Variants in PPARA observed in about 807,000 individuals in gnomAD.
PPARA encodes the protein peroxisome proliferator-activated receptor alpha.
Under a neutral mutation model 42.2 loss-of-function variants are expected in PPARA, and 22 were observed. The ratio of observed to expected loss-of-function variants is 0.52; its 90% CI spans 0.37 to 0.74. The LOEUF (loss-of-function observed/expected upper bound fraction) is 0.74. Among genes scored for constraint, PPARA ranks in the 30% least tolerant of loss-of-function variants. The pLI, the probability that PPARA is intolerant of heterozygous loss-of-function variation, is 0.00. For synonymous variants in PPARA, 242 were observed against 239.3 expected (o/e 1.01, Z -0.10); for missense variants, 465 against 608.2 (o/e 0.76, Z 2.48).
chr22:46,233,746 T>C lies in PPARA; in HGVS notation c.1160-1387T>C, dbSNP rs1936040363. On this transcript the variant is annotated intron_variant, in intron 8 of 8. Coordinates refer to ENST00000407236, the MANE Select transcript of PPARA (RefSeq NM_005036.6). The surrounding 1 kb of genome is among the most constrained non-coding windows in gnomAD (Gnocchi z 7.3). The stretch of plus-strand genomic sequence containing the variant: ...TATCAATCCTATGTATATAGAAAAA[T>C]GTCCAGTGAGATATATGTTAAACCT... Among the ~76,000 whole-genome samples the C allele has an allele frequency of 6.6e-6, 1 of 152,090 alleles. No homozygotes were observed. The highest frequency in any genetic ancestry group is 1.5e-5 in the Non-Finnish European group (1 of 68,026).
chr22:46,187,200 G>A lies in PPARA; in HGVS notation c.-43+10364G>A, dbSNP rs1601687808. 6.6e-6 allele frequency among the ~76,000 whole-genome samples: 1 copy of A among 152,342 alleles called. No homozygotes were observed. Among genetic ancestry groups the A allele is most frequent in the Admixed American group, 6.5e-5 (1 of 15,308 alleles). On this transcript the variant is annotated intron_variant, in intron 3 of 8. Coordinates refer to ENST00000407236, the MANE Select transcript of PPARA (RefSeq NM_005036.6). This position sits in a 1 kb window ranked among gnomAD's most constrained non-coding sequence, Gnocchi z 4.9. ...TAAGCATCATCATTGCTTCTCAGAA[G>A]AGGAGACCTGGCTTACAGAGGTCAA...
rs1000130952 is a variant in PPARA, at chr22:46,225,847, G to GCA, written c.711+5844_711+5845dup. ...CAGACGCACCTCCACCCCCACACAC[G>GCA]CACACACACACATGCACCCACACAT... On this transcript the variant is annotated intron_variant, in intron 7 of 8. Coordinates refer to ENST00000407236, the MANE Select transcript of PPARA (RefSeq NM_005036.6). This position sits in a 1 kb window ranked among gnomAD's most constrained non-coding sequence, Gnocchi z 4.1. 7.0e-6 allele frequency among the ~76,000 whole-genome samples: 1 copy of GCA among 142,262 alleles called. No homozygotes were observed. The highest frequency in any genetic ancestry group is 2.7e-5 in the African/African-American group (1 of 37,684). 93.3% of individuals were successfully genotyped at this position (142,262 alleles called of 152,430 possible).
intron 3 of PPARA, among the ~76,000 whole-genome samples, chr22:46,185,887 T>A: frequency 1.3e-5 from 1 of 76,636 alleles, no homozygotes; most frequent in Non-Finnish European, 2.2e-5. Flanking sequence ...AAAGTGAGAC[T>A]CCGTCTCCAA....
At position 46,234,628 on chromosome 22, in the gene PPARA, G is replaced by A. The variant is rs531440948; in HGVS notation, c.1160-505G>A. Among the ~76,000 whole-genome samples, 12 of 152,182 alleles carry A rather than the reference G, an allele frequency of 7.9e-5. No homozygotes were observed. The highest frequency in any genetic ancestry group is 2.9e-4 in the African/African-American group (12 of 41,532). ...AGCGATTCTCCCACCTCAGCCTCCC[G>A]AGTATCTGGGATTACAGGCGTGAGC... On this transcript the variant is annotated intron_variant, in intron 8 of 8. Transcript: ENST00000407236. This position sits in a 1 kb window ranked among gnomAD's most constrained non-coding sequence, Gnocchi z 5.8.
chr22:46,158,491 A>T (rs1925662412), intron 2 of PPARA, among the ~76,000 whole-genome samples: 1 of 152,252 alleles, frequency 6.6e-6, no homozygotes, highest in Non-Finnish European at 1.5e-5. Flanking sequence ...TCAGTAAAAG[A>T]GACCCAGTTA....
Position 46,162,829 on chromosome 22 carries a change from A to G in PPARA, c.-127+10859A>G, listed in dbSNP as rs1363900600. Among the ~76,000 whole-genome samples, 2 of 152,180 alleles carry G rather than the reference A, an allele frequency of 1.3e-5. No homozygotes were observed. The highest frequency in any genetic ancestry group is 1.9e-4 in the East Asian group (1 of 5,196). On this transcript the variant is annotated intron_variant, in intron 2 of 8. Transcript: ENST00000407236. The surrounding 1 kb of genome is among the most constrained non-coding windows in gnomAD (Gnocchi z 6.0). ...AGGAGTTTTGTCCTTCAGATAACCT[A>G]TGGCATTTGAGTCACTCTGATTTGA...
rs1198554941 is a variant in PPARA, at chr22:46,203,011, C to G, written c.208+4420C>G. Among the ~76,000 whole-genome samples, 1 of 152,078 alleles carries G rather than the reference C, an allele frequency of 6.6e-6. No individual in the cohort carries two copies. Among genetic ancestry groups the G allele is most frequent in the Non-Finnish European group, 1.5e-5 (1 of 68,010 alleles). On this transcript the variant is annotated intron_variant, in intron 4 of 8. Coordinates refer to ENST00000407236, the MANE Select transcript of PPARA (RefSeq NM_005036.6). This position sits in a 1 kb window ranked among gnomAD's most constrained non-coding sequence, Gnocchi z 5.8. ...GACCACACTGAAGCGTCCTGGTCAC[C>G]CATCCCTGGTTTTGACCACCAGCCT...
rs1401031825 is a variant in PPARA, at chr22:46,167,276, C to T, written c.-126-9477C>T. Among the ~76,000 whole-genome samples, 1 of 150,754 alleles carries T rather than the reference C, an allele frequency of 6.6e-6. No homozygotes were observed. The highest frequency in any genetic ancestry group is 1.9e-4 in the East Asian group (1 of 5,170). ...TGTAATAATAGTATATATCATGTTA[C>T]ATATTATATTATGTAATATATATTA... is the stretch of plus-strand genomic sequence containing the variant. On this transcript the variant is annotated intron_variant, in intron 2 of 8. Coordinates refer to ENST00000407236, the MANE Select transcript of PPARA (RefSeq NM_005036.6). The surrounding 1 kb of genome is among the most constrained non-coding windows in gnomAD (Gnocchi z 4.1).
At chr22:46,175,447 CT>C (rs1336080593) in intron 2 of PPARA, among the ~76,000 whole-genome samples, 1 of 152,132 alleles carries the variant, frequency 6.6e-6, no homozygotes, top group Non-Finnish European at 1.5e-5. Flanking sequence ...GGCGCGGTGG[CT>C]CACGCCTGTA....
At position 46,204,675 on chromosome 22, in the gene PPARA, G is replaced by A. The variant is rs1027661810; in HGVS notation, c.208+6084G>A. ...ATATATCTTCTTTGGTGATATTTCT[G>A]TTCAAAGCCTTTGCTCATTTTTTAA... On this transcript the variant is annotated intron_variant, in intron 4 of 8. Transcript: ENST00000407236. The surrounding 1 kb of genome is among the most constrained non-coding windows in gnomAD (Gnocchi z 5.2). Among the ~76,000 whole-genome samples the A allele has an allele frequency of 3.3e-5, 5 of 152,036 alleles. No homozygotes were observed. Among genetic ancestry groups the A allele is most frequent in the Admixed American group, 2.6e-4 (4 of 15,242 alleles).
chr22:46,230,627 C>T lies in PPARA; in HGVS notation c.712-1165C>T, dbSNP rs1333222838. Reference sequence around the variant, plus strand: ...CCACCACGAGATCTTCAGGAAATGGCAGGCCACTGGGTTTACATGCAGATG... The same window carrying T: ...CCACCACGAGATCTTCAGGAAATGGTAGGCCACTGGGTTTACATGCAGATG... On this transcript the variant is annotated intron_variant, in intron 7 of 8. Transcript: ENST00000407236. This position sits in a 1 kb window ranked among gnomAD's most constrained non-coding sequence, Gnocchi z 5.0. Among the ~76,000 whole-genome samples the T allele has an allele frequency of 2.6e-5, 4 of 152,298 alleles. No homozygotes were observed. Among genetic ancestry groups the T allele is most frequent in the Middle Eastern group, 3.4e-3 (1 of 294 alleles).
At position 46,186,478 on chromosome 22, in the gene PPARA, G is replaced by T. The variant is rs1601685682; in HGVS notation, c.-43+9642G>T. On this transcript the variant is annotated intron_variant, in intron 3 of 8. Coordinates refer to ENST00000407236, the MANE Select transcript of PPARA (RefSeq NM_005036.6). Reference sequence around the variant, plus strand: ...GATGAAGGCGTGGGCTGGGGGCCGAGGGAGCAAGGATTCCCAGTAACGAGG... The same window carrying T: ...GATGAAGGCGTGGGCTGGGGGCCGATGGAGCAAGGATTCCCAGTAACGAGG... Among the ~76,000 whole-genome samples the T allele has an allele frequency of 4.6e-5, 7 of 152,294 alleles. No homozygotes were observed. The South Asian group carries it at 1.5e-3, about 32-fold the overall frequency.
At chr22:46,189,741 C>G (rs1382537343) in intron 3 of PPARA, among the ~76,000 whole-genome samples, 1 of 149,696 alleles carries the variant, frequency 6.7e-6, no homozygotes, top group African/African-American at 2.5e-5. Context: ...GAGTCTTGCT[C>G]TGTCACCAGG....
At chr22:46,223,003 T>TA (rs977347617) in intron 7 of PPARA, among the ~76,000 whole-genome samples, 2 of 151,840 alleles carry the variant, frequency 1.3e-5, no homozygotes, top group Non-Finnish European at 1.5e-5. Context: ...CTACAAAAAA[T>TA]AAAAACATTA....
rs928961454 is a variant in PPARA at position 46,182,471 on chromosome 22, T to C, written c.-43+5635T>C. Among the ~76,000 whole-genome samples the C allele has an allele frequency of 2.6e-5, 4 of 152,172 alleles. No individual in the cohort carries two copies. Among genetic ancestry groups the C allele is most frequent in the African/African-American group, 9.7e-5 (4 of 41,434 alleles). ...AGACAGGAAAAATAAGTATAATACA[T>C]ACTGCTTGATTCTATTTGTATAAAA... On this transcript the variant is annotated intron_variant, in intron 3 of 8. Coordinates refer to ENST00000407236, the MANE Select transcript of PPARA (RefSeq NM_005036.6). This position sits in a 1 kb window ranked among gnomAD's most constrained non-coding sequence, Gnocchi z 5.2.
At position 46,224,034 on chromosome 22, in the gene PPARA, G is replaced by A. The variant is rs77378575; in HGVS notation, c.711+4020G>A. Among the ~76,000 whole-genome samples, 264 of 152,042 alleles carry A rather than the reference G, an allele frequency of 1.7e-3. 7 individuals carry two copies. In the East Asian group the frequency reaches 0.039, roughly 22 times the overall value. ...TGGTTTTCTGTAGAAAAAGAGAACC[G>A]GGCACTCTTCCGAGAGTCAGATGCC... On this transcript the variant is annotated intron_variant, in intron 7 of 8. Transcript: ENST00000407236. This position sits in a 1 kb window ranked among gnomAD's most constrained non-coding sequence, Gnocchi z 5.7.
chr22:46,222,936 G>A lies in PPARA; in HGVS notation c.711+2922G>A, dbSNP rs533858118. Among the ~76,000 whole-genome samples the A allele has an allele frequency of 1.3e-5, 2 of 152,264 alleles. No individual in the cohort carries two copies. The highest frequency in any genetic ancestry group is 3.9e-4 in the East Asian group (2 of 5,174). On this transcript the variant is annotated intron_variant, in intron 7 of 8. Transcript: ENST00000407236. The surrounding 1 kb of genome is among the most constrained non-coding windows in gnomAD (Gnocchi z 5.9). The stretch of plus-strand genomic sequence containing the variant: ...GGTACTTGGGAAGCTGAGATGGGAG[G>A]ATGGCTTGAGCCCAGGAGTTCAAAA...
At chr22:46,206,517 A>C (rs1015175034) in intron 4 of PPARA, among the ~76,000 whole-genome samples, 2 of 152,138 alleles carry the variant, frequency 1.3e-5, no homozygotes, top group Non-Finnish European at 2.9e-5. Flanking sequence ...TTTATAGTGT[A>C]TCTCTCTAAT....
intron 2 of PPARA, among the ~76,000 whole-genome samples, chr22:46,176,488 T>C (rs1257203272): frequency 6.6e-6 from 1 of 151,980 alleles, no homozygotes; most frequent in Admixed American, 6.6e-5. Context: ...TCCGTATCAG[T>C]ACTTTCTTTT....
Sources: gnomAD v4.1 joint callset for allele counts (sites outside exome capture counted in the v4.1 genomes callset) on GRCh38, gnomAD v4.1.1 for gene constraint, Gnocchi (gnomAD v3.1) non-coding constraint, MANE v1.5 for transcripts, NCBI Gene and HGNC (gene_info 2026-07-23, HGNC 2026-07-21) for gene names.